Variants in FRY observed in about 807,000 individuals in gnomAD.
The protein encoded by FRY is FRY microtubule binding protein, also known as protein furry homolog.
FRY carries 128 observed loss-of-function variants against 348.4 expected under a neutral mutation model. The observed-to-expected ratio is 0.37, with a 90% CI of 0.32 to 0.43. FRY has a LOEUF of 0.43. Among genes scored for constraint, FRY ranks in the 20% least tolerant of loss-of-function variants. FRY has a pLI of 1.00. For missense variants in FRY, 2,736 were observed against 3,695.2 expected, an observed-to-expected ratio of 0.74 and a Z score of 6.73; for synonymous variants, 1,370 against 1,374.7, an observed-to-expected ratio of 1.00 and a Z score of 0.08.
intron 1 of FRY, among the ~76,000 whole-genome samples, chr13:32,078,055 T>C (rs1248659130): frequency 1.3e-5 from 2 of 152,204 alleles, no homozygotes; most frequent in African/African-American, 4.8e-5. Context: ...ACTGCATTTA[T>C]GAATTCAAAA....
At chr13:32,074,956 G>A (rs931746008) in intron 1 of FRY, among the ~76,000 whole-genome samples, 2 of 152,228 alleles carry the variant, frequency 1.3e-5, no homozygotes, top group Non-Finnish European at 2.9e-5. Context: ...GGATTTGCTT[G>A]CAGGACTGGG....
rs529287934 is a variant in FRY, at chr13:32,274,500, C to T, written c.8137-342C>T. ...AGGCGGGCGGATCACAAGGTCAGATCGAGACCATCCTGGCTAACACAGTGA... is the reference window on the plus strand; with the variant it reads ...AGGCGGGCGGATCACAAGGTCAGATTGAGACCATCCTGGCTAACACAGTGA... On this transcript the variant is annotated intron_variant, in intron 55 of 60. Coordinates refer to ENST00000542859, the MANE Select transcript of FRY (RefSeq NM_023037.3). Among the ~76,000 whole-genome samples the T allele has an allele frequency of 1.4e-3, 205 of 149,106 alleles. 4 individuals are homozygous for T. Among genetic ancestry groups the T allele is most frequent in the East Asian group, 6.0e-3 (31 of 5,132 alleles).
At chr13:32,048,478 G>A (rs1229699009) in intron 1 of FRY, among the ~76,000 whole-genome samples, 1 of 152,164 alleles carries the variant, frequency 6.6e-6, no homozygotes, top group African/African-American at 2.4e-5. Context: ...TTTGTATAAT[G>A]ATCAGCCAAC....
intron 2 of FRY, among the ~76,000 whole-genome samples, chr13:32,084,967 G>T (rs1438440226): frequency 6.6e-6 from 1 of 152,062 alleles, no homozygotes; most frequent in Non-Finnish European, 1.5e-5. Flanking sequence ...GACAGTACAT[G>T]CTTTTTGAAT....
intron 19 of FRY, 85 bp from the exon 20 acceptor site, chr13:32,175,461 C>G (rs1882307883): frequency 2.4e-6 from 2 of 843,300 alleles, no homozygotes; most frequent in Non-Finnish European, 4.2e-6. Flanking sequence ...ACAAGCTGTT[C>G]TGCTTCATGT....
intron 1 of FRY, among the ~76,000 whole-genome samples, chr13:32,065,756 T>A (rs976123687): frequency 5.9e-5 from 9 of 152,116 alleles, no homozygotes; most frequent in African/African-American, 1.9e-4. Flanking sequence ...TGTGCTACCA[T>A]GCTCAGCTAA....
intron 17 of FRY, among the ~76,000 whole-genome samples, chr13:32,165,694 G>A (rs1037188458): frequency 4.6e-5 from 7 of 152,082 alleles, no homozygotes. Context: ...CTTTTCTTCT[G>A]GATATGGTTT....
intron 48 of FRY, among the ~76,000 whole-genome samples, chr13:32,249,023 T>A (rs1421175163): frequency 6.6e-6 from 1 of 152,200 alleles, no homozygotes. Flanking sequence ...ACTCTGGAGC[T>A]CTCAGGAAGT....
chr13:32,246,189 G>A (rs145628948), intron 47 of FRY, among the ~76,000 whole-genome samples: 1 of 152,204 alleles, frequency 6.6e-6, no homozygotes. Flanking sequence ...AACTCAAATA[G>A]TAGCTTATTT....
chr13:32,275,484 A>G (rs770391465), intron 56 of FRY, among the ~76,000 whole-genome samples: 1 of 152,238 alleles, frequency 6.6e-6, no homozygotes, highest in Non-Finnish European at 1.5e-5. Flanking sequence ...GCATATGGCC[A>G]GTCCAGGCCA....
chr13:32,167,750 A>G (rs147459622), intron 17 of FRY, among the ~76,000 whole-genome samples: 1 of 152,338 alleles, frequency 6.6e-6, no homozygotes, highest in African/African-American at 2.4e-5. Flanking sequence ...TATCTGTGGA[A>G]GCTTATTTTC....
chr13:32,257,930 G>A, intron 51 of FRY: 4 of 1,591,270 alleles, frequency 2.5e-6, no homozygotes, highest in Non-Finnish European at 2.6e-6. Context: ...TAGACCTTTT[G>A]TTTGTTTTTC....
intron 7 of FRY, among the ~76,000 whole-genome samples, chr13:32,131,207 T>A (rs7335729): frequency 0.77 from 116,659 of 151,756 alleles, 45,360 homozygotes; most frequent in East Asian, 0.91. Context: ...AACTTTAGAA[T>A]TACAAGAATA....
chr13:32,117,798 G>A (rs2138695372), intron 4 of FRY, among the ~76,000 whole-genome samples: 1 of 152,326 alleles, frequency 6.6e-6, no homozygotes, highest in South Asian at 2.1e-4. Context: ...GCTGACTTCA[G>A]GCCTTGCGTG....
intron 4 of FRY, among the ~76,000 whole-genome samples, chr13:32,117,803 T>C (rs1343989045): frequency 1.3e-5 from 2 of 152,200 alleles, no homozygotes; most frequent in Non-Finnish European, 2.9e-5. Context: ...CTTCAGGCCT[T>C]GCGTGACATG....
At chr13:32,144,390 C>G (rs953340093) in intron 11 of FRY, among the ~76,000 whole-genome samples, 2 of 148,634 alleles carry the variant, frequency 1.3e-5, no homozygotes, top group Admixed American at 1.4e-4. Flanking sequence ...GTAGGCCATA[C>G]TAGATATTAA....
chr13:32,063,473 A>G (rs755351501), intron 1 of FRY, among the ~76,000 whole-genome samples: 3 of 142,008 alleles, frequency 2.1e-5, no homozygotes, highest in African/African-American at 7.8e-5. Flanking sequence ...TAAGAACCAC[A>G]CTTTGCATTG....
In FRY at chr13:32,186,419, AAGT is replaced by A; in HGVS notation, c.3480+2_3480+4del. The A allele has an allele frequency of 6.3e-7, 1 of 1,591,906 alleles. No homozygotes were observed. The highest frequency in any genetic ancestry group is 8.6e-7 in the Non-Finnish European group (1 of 1,159,736). ...ACAAGATATCAGTATTGTGCATTAA[AAGT>A]AGGTGATATTGTACTCACGAATGAC... is the stretch of plus-strand genomic sequence containing the variant. On this transcript the variant is annotated splice_donor_variant and coding_sequence_variant, in exon 27 of 61. Coordinates refer to ENST00000542859, the MANE Select transcript of FRY (RefSeq NM_023037.3). LOFTEE classifies it high-confidence loss of function.
chr13:32,184,967 T>G lies in FRY; in HGVS notation c.3147-9T>G, dbSNP rs535478969. ...GATCATCTAAAAGTTTCATTTTCCT[T>G]TATTCCAGCACAAATGGAGCCCTAG... On this transcript the variant is annotated splice_polypyrimidine_tract_variant and intron_variant, in intron 25 of 60. Coordinates refer to ENST00000542859, the MANE Select transcript of FRY (RefSeq NM_023037.3). 3.7e-5 allele frequency: 60 copies of G among 1,612,856 alleles called. No individual in the cohort carries two copies. In the African/African-American group the frequency reaches 7.3e-4, roughly 20 times the overall value.
Sources: gnomAD v4.1 joint callset for allele counts (sites outside exome capture counted in the v4.1 genomes callset) on GRCh38, gnomAD v4.1.1 for gene constraint, MANE v1.5 for transcripts, NCBI Gene and HGNC (gene_info 2026-07-23, HGNC 2026-07-21) for gene names.